MIPEP: variants seen among roughly 807,000 people sequenced by gnomAD.
MIPEP encodes the protein mitochondrial intermediate peptidase.
In MIPEP, 79 loss-of-function variants were observed where a neutral mutation model predicts 90.3. That is an observed-to-expected ratio of 0.87 (90% confidence interval 0.73 to 1.05). The LOEUF (loss-of-function observed/expected upper bound fraction) is 1.05. Ranked by LOEUF, MIPEP falls within the 50% of genes least tolerant of loss-of-function variation. The pLI, the probability that MIPEP is intolerant of heterozygous loss-of-function variation, is 0.00. For missense variants in MIPEP, 940 were observed against 905.6 expected (o/e 1.04, Z -0.49); for synonymous variants, 334 against 315.8 (o/e 1.06, Z -0.61).
In MIPEP at chr13:23,889,176, C is replaced by T; in HGVS notation, c.145G>A (p.Val49Ile). Residue 49 changes from valine (V) to isoleucine (I), a missense_variant, in exon 1 of 19, where the codon GTC becomes ATC. Coordinates refer to ENST00000382172, the MANE Select transcript of MIPEP (RefSeq NM_005932.4). ...TCCAAGCGGCTGCCCTGGGGCTTGA[C>T]ATTGAAGGCGGCGCCCACGGGAGAC... ...SWSPVGAAFNVKPQGSRLDLF... is the reference protein window; with the variant it reads ...SWSPVGAAFNIKPQGSRLDLF... 6.8e-7 allele frequency: 1 copy of T among 1,466,922 alleles called. No homozygotes were observed. The highest frequency in any genetic ancestry group is 9.0e-7 in the Non-Finnish European group (1 of 1,110,958). 90.9% of individuals were successfully genotyped at this position (1,466,922 alleles called of 1,614,324 possible).
At position 23,759,966 on chromosome 13, in the gene MIPEP, G is replaced by C. The variant is rs1952522733; in HGVS notation, c.1970+130C>G. 1.1e-5 allele frequency: 13 copies of C among 1,154,812 alleles called. No individual in the cohort carries two copies. In the South Asian group the frequency reaches 1.3e-4, roughly 11 times the overall value. 71.5% of individuals were successfully genotyped at this position (1,154,812 alleles called of 1,614,324 possible). A position where few individuals can be genotyped will look rare whatever the true frequency, so the allele number is the denominator to read the frequency against. On this transcript the variant is annotated intron_variant, in intron 17 of 18. Transcript: ENST00000382172. ...GCCAAGTGGGGCGAGGCTGTGTGGG[G>C]AGCCTGCCACTTTCTGCCAGGTTTG...
chr13:23,831,601 G>A (rs1204620361), intron 14 of MIPEP, among the ~76,000 whole-genome samples: 1 of 152,146 alleles, frequency 6.6e-6, no homozygotes, highest in Non-Finnish European at 1.5e-5. Flanking sequence ...TGATGCATAT[G>A]TAAAGAGCAA....
intron 2 of MIPEP, among the ~76,000 whole-genome samples, chr13:23,884,688 A>C (rs1304291444): frequency 6.6e-6 from 1 of 152,236 alleles, no homozygotes; most frequent in African/African-American, 2.4e-5. Flanking sequence ...AAGGGCCTAC[A>C]GTCTAGTTAA....
intron 16 of MIPEP, among the ~76,000 whole-genome samples, chr13:23,763,488 T>C (rs1259797446): frequency 6.6e-6 from 1 of 152,216 alleles, no homozygotes; most frequent in African/African-American, 2.4e-5. Context: ...CAGAGTTTAA[T>C]TCTGTTTAGA....
intron 17 of MIPEP, among the ~76,000 whole-genome samples, chr13:23,759,251 G>C (rs1214620755): frequency 1.3e-5 from 2 of 152,164 alleles, no homozygotes; most frequent in Non-Finnish European, 2.9e-5. Context: ...GGAGCAAAGG[G>C]AAGATCTCCT....
At chr13:23,740,225 C>G (rs1952311628) in intron 18 of MIPEP, among the ~76,000 whole-genome samples, 1 of 152,166 alleles carries the variant, frequency 6.6e-6, no homozygotes, top group Non-Finnish European at 1.5e-5. Flanking sequence ...AGGAAGCTCT[C>G]CCTGCCCCTG....
At chr13:23,786,272 T>G (rs577775664) in intron 16 of MIPEP, among the ~76,000 whole-genome samples, 2 of 152,230 alleles carry the variant, frequency 1.3e-5, no homozygotes, top group South Asian at 4.1e-4. Context: ...TTTCATACTT[T>G]ACATCAAAAC....
At chr13:23,804,222 G>T (rs1315572350) in intron 16 of MIPEP, among the ~76,000 whole-genome samples, 1 of 152,116 alleles carries the variant, frequency 6.6e-6, no homozygotes, top group Non-Finnish European at 1.5e-5. Context: ...TTAGACCTAC[G>T]ATAAAAAAGG....
intron 14 of MIPEP, among the ~76,000 whole-genome samples, chr13:23,834,020 C>T (rs1868901716): frequency 6.6e-6 from 1 of 152,148 alleles, no homozygotes; most frequent in Non-Finnish European, 1.5e-5. Flanking sequence ...TTGCTGTCCC[C>T]TGCCTCCCAC....
rs185455120 is a variant in MIPEP, at chr13:23,797,429, C to A, written c.1848+8521G>T. ...CCTCACTGCATGAAGCAGCTACCAC[C>A]CCTCCTGTACTCTGTTTCTGAACGT... On this transcript the variant is annotated intron_variant, in intron 16 of 18. Coordinates refer to ENST00000382172, the MANE Select transcript of MIPEP (RefSeq NM_005932.4). 3.3e-5 allele frequency among the ~76,000 whole-genome samples: 5 copies of A among 152,228 alleles called. No individual in the cohort carries two copies. The East Asian group carries it at 9.6e-4, about 29-fold the overall frequency.
In MIPEP at chr13:23,846,814, C is replaced by G. The variant is rs116681708; in HGVS notation, c.1107-5326G>C. On this transcript the variant is annotated intron_variant, in intron 10 of 18. Transcript: ENST00000382172. ...CTAAATTTAATCTACAAACAGAAAACTATCACTACCAAATGATGATGATGA... is the reference window on the plus strand; with the variant it reads ...CTAAATTTAATCTACAAACAGAAAAGTATCACTACCAAATGATGATGATGA... Among the ~76,000 whole-genome samples, 653 of 88,952 alleles carry G rather than the reference C, an allele frequency of 7.3e-3. 2 individuals are homozygous for G. The highest frequency in any genetic ancestry group is 0.026 in the African/African-American group (626 of 23,912). The allele number at this position is 88,952 out of a possible 152,430, so 58.4% of individuals were successfully genotyped here. A position where few individuals can be genotyped will look rare whatever the true frequency, so the allele number is the denominator to read the frequency against.
At chr13:23,761,953 T>C (rs1361169453) in intron 16 of MIPEP, among the ~76,000 whole-genome samples, 3 of 152,126 alleles carry the variant, frequency 2.0e-5, no homozygotes, top group Admixed American at 6.5e-5. Context: ...GGTGAAACCC[T>C]GTCTCTACTA....
chr13:23,870,542 C>G (rs559051588), intron 5 of MIPEP, among the ~76,000 whole-genome samples: 3 of 152,082 alleles, frequency 2.0e-5, no homozygotes, highest in Non-Finnish European at 4.4e-5. Context: ...CAGTGACTCA[C>G]GCCTGTAATC....
chr13:23,837,525 T>C, intron 13 of MIPEP, 27 bp downstream of exon 13: 1 of 1,539,782 alleles, frequency 6.5e-7, no homozygotes, highest in South Asian at 1.1e-5. Flanking sequence ...AGGACTGTAG[T>C]AAATAAAAGC....
intron 14 of MIPEP, among the ~76,000 whole-genome samples, chr13:23,820,582 C>T (rs1196381237): frequency 6.6e-6 from 1 of 152,152 alleles, no homozygotes; most frequent in African/African-American, 2.4e-5. Context: ...ATAAATACAG[C>T]TGTTATTCTG....
At chr13:23,820,097 A>G (rs1319406878) in intron 14 of MIPEP, among the ~76,000 whole-genome samples, 1 of 152,188 alleles carries the variant, frequency 6.6e-6, no homozygotes, top group Non-Finnish European at 1.5e-5. Flanking sequence ...TGAGGTTTAC[A>G]GATGTGTCAT....
rs766716943 is a variant in MIPEP at position 23,879,258 on chromosome 13, G to A, written c.539+10C>T. On this transcript the variant is annotated intron_variant, in intron 4 of 18. Coordinates refer to ENST00000382172, the MANE Select transcript of MIPEP (RefSeq NM_005932.4). ...ACAGTCACAATCAAGGCAAAGAAAT[G>A]AGTGAGTACCTTGTTTCTGGATCAA... The A allele has an allele frequency of 6.4e-7, 1 of 1,561,136 alleles. No individual in the cohort carries two copies. The highest frequency in any genetic ancestry group is 1.1e-5 in the South Asian group (1 of 88,848).
At position 23,775,129 on chromosome 13, in the gene MIPEP, G is replaced by A. The variant is rs1375522870; in HGVS notation, c.1849-14912C>T. The stretch of plus-strand genomic sequence containing the variant: ...GTTCTCTGTGTGTGTGTGTGTGTGT[G>A]TGTGTGTGTGTGTGTGTGTGTGTGT... On this transcript the variant is annotated intron_variant, in intron 16 of 18. Coordinates refer to ENST00000382172, the MANE Select transcript of MIPEP (RefSeq NM_005932.4). 5.5e-4 allele frequency among the ~76,000 whole-genome samples: 83 copies of A among 151,024 alleles called. 1 individual carries two copies. Among genetic ancestry groups the A allele is most frequent in the Admixed American group, 3.5e-3 (53 of 15,130 alleles).
intron 14 of MIPEP, among the ~76,000 whole-genome samples, chr13:23,826,109 G>T (rs149745174): frequency 6.6e-6 from 1 of 151,972 alleles, no homozygotes; most frequent in East Asian, 1.9e-4. Context: ...AAGATTAAGA[G>T]GATAACATAT....
Sources: allele counts gnomAD v4.1 joint callset (sites outside exome capture counted in the v4.1 genomes callset), GRCh38; gene constraint gnomAD v4.1.1; transcripts MANE v1.5; gene names NCBI Gene and HGNC (gene_info 2026-07-23, HGNC 2026-07-21).